PTPRN2: variants seen among roughly 807,000 people sequenced by gnomAD.
PTPRN2 encodes protein tyrosine phosphatase receptor type N2, also known as receptor-type tyrosine-protein phosphatase N2.
A neutral mutation model predicts 118.8 loss-of-function variants in PTPRN2; 74 were observed. The ratio of observed to expected loss-of-function variants is 0.62; its 90% CI spans 0.52 to 0.76. The LOEUF (loss-of-function observed/expected upper bound fraction) is 0.76, where lower values mean the gene tolerates loss of function less well. PTPRN2 is among the 30% of genes least tolerant of loss of function. The pLI is 0.00. For missense variants in PTPRN2, 1,481 were observed against 1,394.4 expected, an observed-to-expected ratio of 1.06 and a Z score of -0.99; for synonymous variants, 641 against 608.0, an observed-to-expected ratio of 1.05 and a Z score of -0.80.
intron 6 of PTPRN2, among the ~76,000 whole-genome samples, chr7:158,165,088 C>A (rs75596870): frequency 2.5e-5 from 2 of 79,408 alleles, no homozygotes; most frequent in Non-Finnish European, 5.6e-5. Context: ...TCAGTACCCA[C>A]GAAAGCGCAG....
chr7:157,625,746 C>T (rs1803532832), intron 14 of PTPRN2, among the ~76,000 whole-genome samples: 1 of 152,020 alleles, frequency 6.6e-6, no homozygotes, highest in South Asian at 2.1e-4. Context: ...AAAAAGTTAG[C>T]TCAGAAAAAA....
intron 12 of PTPRN2, among the ~76,000 whole-genome samples, chr7:157,842,278 C>T (rs370306100): frequency 7.8e-4 from 119 of 152,268 alleles, no homozygotes; most frequent in African/African-American, 2.8e-3. Flanking sequence ...TCCAATCAGC[C>T]GCCTCGTCCA....
chr7:158,270,787 CTCCACCTGGACCA>C lies in PTPRN2; in HGVS notation c.277+46019_277+46031del, dbSNP rs1563067335. Among the ~76,000 whole-genome samples, 32 of 97,392 alleles carry C rather than the reference CTCCACCTGGACCA, an allele frequency of 3.3e-4. 1 individual carries two copies. The highest frequency in any genetic ancestry group is 9.2e-4 in the Admixed American group (9 of 9,730). The allele number at this position is 97,392 out of a possible 152,430, so 63.9% of individuals were successfully genotyped here. A position where few individuals can be genotyped will look rare whatever the true frequency, so the allele number is the denominator to read the frequency against. On this transcript the variant is annotated intron_variant, in intron 3 of 22. Transcript: ENST00000389418. Reference sequence around the variant, plus strand: ...ACCACCCCGTCCACCTGGACCACCCCTCCACCTGGACCACCCCCTCACCTGGACCGCCCCCTCC... The same window carrying C: ...ACCACCCCGTCCACCTGGACCACCCCCCCCCTCACCTGGACCGCCCCCTCC...
intron 2 of PTPRN2, among the ~76,000 whole-genome samples, chr7:158,346,314 G>A (rs73510370): frequency 0.056 from 8,440 of 152,060 alleles, 578 homozygotes; most frequent in African/African-American, 0.16. Context: ...GGCCTCTGGC[G>A]ACCTCAGTTC....
intron 1 of PTPRN2, among the ~76,000 whole-genome samples, chr7:158,510,031 C>T (rs932637405): frequency 1.2e-4 from 19 of 152,138 alleles, no homozygotes; most frequent in African/African-American, 3.4e-4. Context: ...ACCAAGCTGC[C>T]CATTCCCCAG....
intron 10 of PTPRN2, among the ~76,000 whole-genome samples, chr7:158,110,437 A>T (rs1318896561): frequency 6.6e-6 from 1 of 152,090 alleles, no homozygotes; most frequent in Non-Finnish European, 1.5e-5. Flanking sequence ...AGGGCAGCGC[A>T]TTTTCCTGAC....
In PTPRN2 at chr7:157,784,823, G is replaced by C. The variant is rs1389020768; in HGVS notation, c.1789-101886C>G. ...TGGAAGGAAATGAACCCATCGTGTG[G>C]GGCGACATAGGGGCCCAGGGGGCCT... On this transcript the variant is annotated intron_variant, in intron 12 of 22. Transcript: ENST00000389418. This position sits in a 1 kb window ranked among gnomAD's most constrained non-coding sequence, Gnocchi z 4.6. 2.6e-5 allele frequency among the ~76,000 whole-genome samples: 4 copies of C among 152,144 alleles called. No homozygotes were observed. Among genetic ancestry groups the C allele is most frequent in the Non-Finnish European group, 5.9e-5 (4 of 68,026 alleles).
intron 14 of PTPRN2, among the ~76,000 whole-genome samples, chr7:157,638,133 C>A (rs1245602813): frequency 6.6e-6 from 1 of 152,222 alleles, no homozygotes; most frequent in African/African-American, 2.4e-5. Context: ...GGTGATGGCA[C>A]CAAAAATACC....
intron 12 of PTPRN2, among the ~76,000 whole-genome samples, chr7:157,810,500 C>T (rs1403002678): frequency 1.4e-5 from 2 of 146,106 alleles, no homozygotes; most frequent in Non-Finnish European, 3.0e-5. Context: ...CACAGGGTCT[C>T]CATGGGGACG....
chr7:158,092,232 AT>A (rs1394669292), intron 10 of PTPRN2, among the ~76,000 whole-genome samples: 1 of 150,452 alleles, frequency 6.6e-6, no homozygotes, highest in Non-Finnish European at 1.5e-5. Flanking sequence ...ACATATATGT[AT>A]ATATATGCAT....
At chr7:157,897,286 G>A (rs1416853275) in intron 12 of PTPRN2, among the ~76,000 whole-genome samples, 2 of 152,092 alleles carry the variant, frequency 1.3e-5, no homozygotes, top group South Asian at 2.1e-4. Flanking sequence ...GAGACTCACG[G>A]CCCGGTCACA....
chr7:158,475,747 C>T (rs1820207013), intron 2 of PTPRN2, among the ~76,000 whole-genome samples: 1 of 152,186 alleles, frequency 6.6e-6, no homozygotes, highest in Admixed American at 6.5e-5. Context: ...AAGGCACACA[C>T]ACACCTGGAG....
chr7:158,094,300 TTTTC>T (rs888732870), intron 10 of PTPRN2, among the ~76,000 whole-genome samples: 13 of 151,776 alleles, frequency 8.6e-5, no homozygotes, highest in African/African-American at 3.2e-4. Flanking sequence ...CATCTGTGTT[TTTTC>T]TGTTTTGTTT....
At chr7:157,623,285 A>T (rs970604289) in intron 14 of PTPRN2, among the ~76,000 whole-genome samples, 1 of 152,236 alleles carries the variant, frequency 6.6e-6, no homozygotes, top group Non-Finnish European at 1.5e-5. Flanking sequence ...GTTGATAGTT[A>T]TGGTGAAAGG....
At chr7:158,398,792 T>C (rs189729456) in intron 2 of PTPRN2, among the ~76,000 whole-genome samples, 6 of 152,352 alleles carry the variant, frequency 3.9e-5, no homozygotes, top group Non-Finnish European at 5.9e-5. Flanking sequence ...ATTTTCTGAC[T>C]GCTACAGAAG....
At chr7:158,218,998 T>C (rs561694343) in intron 3 of PTPRN2, among the ~76,000 whole-genome samples, 20 of 152,226 alleles carry the variant, frequency 1.3e-4, no homozygotes, top group Non-Finnish European at 2.4e-4. Context: ...CAATATCCCA[T>C]TTGACAGCAT....
At chr7:158,494,078 G>A (rs948783025) in intron 1 of PTPRN2, among the ~76,000 whole-genome samples, 5 of 152,194 alleles carry the variant, frequency 3.3e-5, no homozygotes, top group Non-Finnish European at 5.9e-5. Context: ...AGTCAGGCTG[G>A]ATCTGCCTCT....
chr7:157,802,304 T>C (rs1029580010), intron 12 of PTPRN2, among the ~76,000 whole-genome samples: 1 of 152,248 alleles, frequency 6.6e-6, no homozygotes, highest in Non-Finnish European at 1.5e-5. Flanking sequence ...TCAATTGTCA[T>C]AGATTCCACG....
chr7:158,572,359 T>A (rs528488955), intron 1 of PTPRN2, among the ~76,000 whole-genome samples: 1 of 152,214 alleles, frequency 6.6e-6, no homozygotes, highest in African/African-American at 2.4e-5. Flanking sequence ...AAGGCTCTAG[T>A]TATGCTACCT....
Sources: allele counts gnomAD v4.1 joint callset (sites outside exome capture counted in the v4.1 genomes callset), GRCh38; gene constraint gnomAD v4.1.1; non-coding constraint Gnocchi (gnomAD v3.1); transcripts MANE v1.5; gene names NCBI Gene and HGNC (gene_info 2026-07-23, HGNC 2026-07-21).